Variants in PTPN12 observed in about 807,000 individuals in gnomAD.
PTPN12 encodes the protein tyrosine-protein phosphatase non-receptor type 12.
PTPN12 carries 29 observed loss-of-function variants against 97.6 expected under a neutral mutation model. The ratio of observed to expected loss-of-function variants is 0.30; its 90% confidence interval spans 0.22 to 0.41. The LOEUF (loss-of-function observed/expected upper bound fraction) is 0.41, where lower values mean the gene tolerates loss of function less well. Ranked by LOEUF, PTPN12 falls within the 10% of genes least tolerant of loss-of-function variation. The pLI, the probability that PTPN12 is intolerant of heterozygous loss-of-function variation, is 1.00. For synonymous variants in PTPN12, 327 were observed against 300.4 expected, an observed-to-expected ratio of 1.09 and a Z score of -0.91; for missense variants, 819 against 926.0, an observed-to-expected ratio of 0.88 and a Z score of 1.50.
intron 11 of PTPN12, 102 bp from the exon 12 acceptor site, chr7:77,618,378 C>A: frequency 2.7e-6 from 2 of 728,564 alleles, no homozygotes; most frequent in Non-Finnish European, 4.3e-6. Context: ...GCAAAATTGG[C>A]ATTGTTTAAG....
Position 77,638,715 on chromosome 7 carries a change from A to G in PTPN12, c.2265A>G (p.Thr755=). ...GAGAACAAATATCAGAAAATCCAACAGAAGCCACAGATATTGGTAATTTGT... is the reference window on the plus strand; with the variant it reads ...GAGAACAAATATCAGAAAATCCAACGGAAGCCACAGATATTGGTAATTTGT... ...DKREQISENP[T]EATDIGFGNR... Residue 755 remains threonine, a synonymous_variant, in exon 17 of 18, where the codon ACA becomes ACG. Transcript: ENST00000248594. 3 of 1,604,108 alleles carry G rather than the reference A, an allele frequency of 1.9e-6. No individual in the cohort carries two copies. The highest frequency in any genetic ancestry group is 2.5e-6 in the Non-Finnish European group (3 of 1,176,920).
In PTPN12 at chr7:77,625,497, C is replaced by T. The variant is rs1229738778; in HGVS notation, c.1026-1208C>T. On this transcript the variant is annotated intron_variant, in intron 12 of 17. Transcript: ENST00000248594. ...GCTCTCTCTCTCTCTCTCTCTCTCTCTCTCTCTCTCTCTCTCTCTCTCTCT... is the reference window on the plus strand; with the variant it reads ...GCTCTCTCTCTCTCTCTCTCTCTCTTTCTCTCTCTCTCTCTCTCTCTCTCT... 6.9e-4 allele frequency among the ~76,000 whole-genome samples: 73 copies of T among 105,412 alleles called. 2 individuals carry two copies. Among genetic ancestry groups the T allele is most frequent in the Non-Finnish European group, 1.4e-3 (69 of 49,960 alleles). The allele number at this position is 105,412 out of a possible 152,430, so 69.2% of individuals were successfully genotyped here. A position where few individuals can be genotyped will look rare whatever the true frequency, so the allele number is the denominator to read the frequency against.
At chr7:77,563,739 A>C (rs996474419) in intron 1 of PTPN12, among the ~76,000 whole-genome samples, 1 of 152,210 alleles carries the variant, frequency 6.6e-6, no homozygotes. Context: ...TTCTGAAAAA[A>C]AAGGGAGAGA....
intron 6 of PTPN12, among the ~76,000 whole-genome samples, chr7:77,594,059 A>C (rs1348788767): frequency 1.3e-5 from 2 of 152,202 alleles, no homozygotes; most frequent in Admixed American, 6.5e-5. Context: ...TTATAAATCA[A>C]TGTTGTTTTT....
At chr7:77,613,663 T>G (rs1182484593) in intron 11 of PTPN12, among the ~76,000 whole-genome samples, 1 of 151,550 alleles carries the variant, frequency 6.6e-6, no homozygotes, top group East Asian at 2.0e-4. Context: ...AAGACCAGCC[T>G]GGGCAACATG....
Position 77,627,684 on chromosome 7 carries a change from A to G in PTPN12, c.1996+9A>G, listed in dbSNP as rs756633667. 6.5e-6 allele frequency: 10 copies of G among 1,539,792 alleles called. No individual in the cohort carries two copies. In the East Asian group the frequency reaches 6.8e-5, roughly 10 times the overall value. On this transcript the variant is annotated intron_variant, in intron 13 of 17. Transcript: ENST00000248594. ...TTCAGGTGCTGAAAAAGGTAATAATATAGTGTCAAATACTTAAATGTCTTT... is the reference window on the plus strand; with the variant it reads ...TTCAGGTGCTGAAAAAGGTAATAATGTAGTGTCAAATACTTAAATGTCTTT...
intron 1 of PTPN12, among the ~76,000 whole-genome samples, chr7:77,544,002 C>G (rs1323024611): frequency 6.6e-6 from 1 of 152,188 alleles, no homozygotes; most frequent in Non-Finnish European, 1.5e-5. Context: ...TGTGTGGACA[C>G]ATTTTCAGGT....
intron 1 of PTPN12, among the ~76,000 whole-genome samples, chr7:77,549,112 C>G (rs769877936): frequency 1.3e-5 from 2 of 152,098 alleles, no homozygotes; most frequent in Non-Finnish European, 2.9e-5. Context: ...AGAAAATAAC[C>G]AACTTGCCAG....
chr7:77,538,416 G>A (rs1221038102), intron 1 of PTPN12, among the ~76,000 whole-genome samples: 1 of 143,180 alleles, frequency 7.0e-6, no homozygotes, highest in Non-Finnish European at 1.5e-5. Context: ...AGGCGGAGGG[G>A]ATGTGACTAT....
intron 7 of PTPN12, 122 bp from the exon 8 acceptor site, chr7:77,600,542 T>G: frequency 6.5e-6 from 5 of 774,582 alleles, no homozygotes; most frequent in Non-Finnish European, 1.0e-5. Context: ...TTTATTTGGG[T>G]TTTTTTAAAA....
At chr7:77,601,683 CAG>C (rs1202556256) in intron 8 of PTPN12, among the ~76,000 whole-genome samples, 6 of 152,210 alleles carry the variant, frequency 3.9e-5, no homozygotes, top group East Asian at 1.9e-4. Context: ...ATACCAATCT[CAG>C]AGCTGTTACA....
chr7:77,638,875 A>C, intron 17 of PTPN12, 144 bp downstream of exon 17: 1 of 1,284,708 alleles, frequency 7.8e-7, no homozygotes, highest in South Asian at 2.0e-5. Context: ...AATAAATGAA[A>C]TACTTAATTC....
intron 2 of PTPN12, among the ~76,000 whole-genome samples, chr7:77,573,655 A>T (rs1562721307): frequency 6.6e-6 from 1 of 152,216 alleles, no homozygotes; most frequent in Non-Finnish European, 1.5e-5. Flanking sequence ...TTTTAAGGTG[A>T]TCCTACATTG....
intron 12 of PTPN12, among the ~76,000 whole-genome samples, chr7:77,625,488 T>TCG: frequency 1.0e-5 from 1 of 96,760 alleles, no homozygotes; most frequent in Non-Finnish European, 2.1e-5. Flanking sequence ...TCTCTCTCTC[T>TCG]CTCTCTCTCT....
At chr7:77,603,812 G>C (rs1788261909) in intron 8 of PTPN12, among the ~76,000 whole-genome samples, 1 of 151,028 alleles carries the variant, frequency 6.6e-6, no homozygotes, top group Non-Finnish European at 1.5e-5. Context: ...ACTTAATTCT[G>C]CCACTGGCAG....
At chr7:77,634,505 T>C (rs1789517444) in intron 14 of PTPN12, among the ~76,000 whole-genome samples, 1 of 152,234 alleles carries the variant, frequency 6.6e-6, no homozygotes, top group African/African-American at 2.4e-5. Context: ...AGTGGCACGA[T>C]CTCGGCTCAC....
At chr7:77,632,577 A>G in intron 14 of PTPN12, 152 bp downstream of exon 14, 1 of 637,972 alleles carries the variant, frequency 1.6e-6, no homozygotes, top group African/African-American at 1.9e-5. Flanking sequence ...CTTTGTTTGA[A>G]AAATGCTTTT....
At chr7:77,598,440 G>A (rs1375384274) in intron 7 of PTPN12, among the ~76,000 whole-genome samples, 1 of 152,162 alleles carries the variant, frequency 6.6e-6, no homozygotes, top group African/African-American at 2.4e-5. Context: ...CCAACACTTT[G>A]GGTGGCTGAG....
At chr7:77,555,058 A>G (rs756123226) in intron 1 of PTPN12, among the ~76,000 whole-genome samples, 8 of 152,068 alleles carry the variant, frequency 5.3e-5, no homozygotes, top group African/African-American at 1.7e-4. Context: ...AAGGTTCAGG[A>G]TTCTAAGTTG....
Sources: allele counts gnomAD v4.1 joint callset (sites outside exome capture counted in the v4.1 genomes callset), GRCh38; gene constraint gnomAD v4.1.1; transcripts MANE v1.5; gene names NCBI Gene and HGNC (gene_info 2026-07-23, HGNC 2026-07-21).